Variants in NR6A1 observed in about 807,000 individuals in gnomAD.
NR6A1 encodes nuclear receptor subfamily 6 group A member 1.
A neutral mutation model predicts 59.1 loss-of-function variants in NR6A1; 7 were observed. The observed-to-expected ratio is 0.12, with a 90% CI of 0.07 to 0.22. The LOEUF (loss-of-function observed/expected upper bound fraction) is 0.22. NR6A1 is among the 10% of genes least tolerant of loss of function. NR6A1 has a pLI of 1.00. For synonymous variants in NR6A1, 243 were observed against 236.1 expected (o/e 1.03, Z -0.27); for missense variants, 468 against 611.6 (o/e 0.77, Z 2.48).
In NR6A1 at chr9:124,666,358, A is replaced by G. The variant is rs1282757664; in HGVS notation, c.142+66950T>C. On this transcript the variant is annotated intron_variant, in intron 2 of 9. Transcript: ENST00000487099. ...TAGTAGTGCAATCTTGGCTCACTGT[A>G]ACCTCCACCTCCCAGAGACAAGCAA... Among the ~76,000 whole-genome samples the G allele has an allele frequency of 2.1e-5, 3 of 143,678 alleles. No homozygotes were observed. In the East Asian group the frequency reaches 6.2e-4, roughly 30 times the overall value. The allele number at this position is 143,678 out of a possible 152,430, so 94.3% of individuals were successfully genotyped here. A position where few individuals can be genotyped will look rare whatever the true frequency, so the allele number is the denominator to read the frequency against.
At chr9:124,603,493 G>C (rs905700143) in intron 2 of NR6A1, among the ~76,000 whole-genome samples, 17 of 152,098 alleles carry the variant, frequency 1.1e-4, no homozygotes, top group African/African-American at 4.1e-4. Context: ...GCCTACCTGA[G>C]ACTAAATCTT....
intron 1 of NR6A1, among the ~76,000 whole-genome samples, chr9:124,748,899 G>T (rs1007692607): frequency 2.6e-5 from 4 of 151,246 alleles, no homozygotes; most frequent in East Asian, 2.0e-4. Flanking sequence ...CAGGGCTGTT[G>T]TAAGTATTAA....
chr9:124,739,750 G>A, intron 1 of NR6A1, among the ~76,000 whole-genome samples: 1 of 152,198 alleles, frequency 6.6e-6, no homozygotes, highest in East Asian at 1.9e-4. Flanking sequence ...AATTTACCAT[G>A]ACAGAAACTT....
At chr9:124,627,882 CTTTTTTTTTTTTT>C (rs59874800) in intron 2 of NR6A1, among the ~76,000 whole-genome samples, 50 of 83,778 alleles carry the variant, frequency 6.0e-4, no homozygotes, top group African/African-American at 1.5e-3. Context: ...CTGAGATTTT[CTTTTTTTTTTTTT>C]TTTTTTTTTT....
intron 2 of NR6A1, among the ~76,000 whole-genome samples, chr9:124,592,085 T>C (rs972074492): frequency 4.6e-5 from 7 of 152,202 alleles, no homozygotes; most frequent in African/African-American, 1.2e-4. Context: ...GGTTGCCATA[T>C]TTGTGCCTCT....
At chr9:124,747,446 T>C (rs1840367348) in intron 1 of NR6A1, among the ~76,000 whole-genome samples, 1 of 152,116 alleles carries the variant, frequency 6.6e-6, no homozygotes, top group Non-Finnish European at 1.5e-5. Flanking sequence ...TTGGATGGTC[T>C]CATCCACATA....
chr9:124,571,870 T>C, intron 2 of NR6A1, among the ~76,000 whole-genome samples: 1 of 152,090 alleles, frequency 6.6e-6, no homozygotes, highest in East Asian at 1.9e-4. Flanking sequence ...TTCCAATAAC[T>C]TCCATTCAGG....
chr9:124,749,553 C>T (rs1174944938), intron 1 of NR6A1, among the ~76,000 whole-genome samples: 2 of 151,892 alleles, frequency 1.3e-5, no homozygotes, highest in Non-Finnish European at 2.9e-5. Flanking sequence ...AAAATAAATA[C>T]GGTATTTTTT....
rs141108912 is a variant in NR6A1, at chr9:124,650,317, G to A, written c.142+82991C>T. On this transcript the variant is annotated intron_variant, in intron 2 of 9. Transcript: ENST00000487099. ...AGCAACATGGATGGAACTGTTAAGT[G>A]AATAAGCTGGGCACCGAAAGACAAA... 2.0e-5 allele frequency among the ~76,000 whole-genome samples: 3 copies of A among 152,210 alleles called. No homozygotes were observed. The East Asian group carries it at 5.8e-4, about 29-fold the overall frequency.
At chr9:124,733,918 C>A (rs1287372869) in intron 1 of NR6A1, among the ~76,000 whole-genome samples, 1 of 152,176 alleles carries the variant, frequency 6.6e-6, no homozygotes, top group Non-Finnish European at 1.5e-5. Context: ...TCTCAGAGCA[C>A]ACTTCACATT....
intron 1 of NR6A1, among the ~76,000 whole-genome samples, chr9:124,756,439 C>CGT (rs1311269035): frequency 6.6e-6 from 1 of 152,204 alleles, no homozygotes; most frequent in East Asian, 1.9e-4. Context: ...TCAACATAAA[C>CGT]TTTAACAATG....
In NR6A1 at chr9:124,643,774, AAG is replaced by A. The variant is rs1000000745; in HGVS notation, c.143-89206_143-89205del. Among the ~76,000 whole-genome samples the A allele has an allele frequency of 3.6e-3, 537 of 147,484 alleles. 62 individuals are homozygous for A. Among genetic ancestry groups the A allele is most frequent in the Middle Eastern group, 0.017 (5 of 286 alleles). Reference sequence around the variant, plus strand: ...TCTCAAAAAAACAAAAAAAAAAAAAAAGAGAGAGAGAGAGAAAGGGTACTCTT... The same window carrying A: ...TCTCAAAAAAACAAAAAAAAAAAAAAAGAGAGAGAGAGAAAGGGTACTCTT... On this transcript the variant is annotated intron_variant, in intron 2 of 9. Coordinates refer to ENST00000487099, the MANE Select transcript of NR6A1 (RefSeq NM_033334.4).
intron 2 of NR6A1, among the ~76,000 whole-genome samples, chr9:124,701,512 C>A (rs922481630): frequency 1.3e-5 from 2 of 152,322 alleles, no homozygotes; most frequent in Non-Finnish European, 2.9e-5. Context: ...TTTTCATAAT[C>A]CTAAACAAGA....
chr9:124,641,924 C>T (rs558212385), intron 2 of NR6A1, among the ~76,000 whole-genome samples: 4 of 152,344 alleles, frequency 2.6e-5, no homozygotes, highest in African/African-American at 9.6e-5. Context: ...TGTAATAGTA[C>T]AGGTAAAACA....
At chr9:124,724,621 A>G (rs1839658894) in intron 2 of NR6A1, among the ~76,000 whole-genome samples, 1 of 152,220 alleles carries the variant, frequency 6.6e-6, no homozygotes, top group African/African-American at 2.4e-5. Context: ...CTCTCAGTGT[A>G]ATTACTTGTA....
At chr9:124,736,882 C>T (rs188583526) in intron 1 of NR6A1, among the ~76,000 whole-genome samples, 84 of 152,206 alleles carry the variant, frequency 5.5e-4, no homozygotes, top group Admixed American at 8.5e-4. Context: ...AATATAAAGG[C>T]TTTGCACAGT....
At chr9:124,576,670 A>T (rs1430484658) in intron 2 of NR6A1, among the ~76,000 whole-genome samples, 1 of 152,236 alleles carries the variant, frequency 6.6e-6, no homozygotes, top group Non-Finnish European at 1.5e-5. Context: ...CCTAATCTAT[A>T]AACCTATCTA....
At chr9:124,547,664 C>A (rs978611023) in intron 3 of NR6A1, among the ~76,000 whole-genome samples, 4 of 152,170 alleles carry the variant, frequency 2.6e-5, no homozygotes, top group Non-Finnish European at 4.4e-5. Flanking sequence ...GACACAACAT[C>A]ATTTCTATGG....
At chr9:124,765,764 T>G (rs1564273451) in intron 1 of NR6A1, among the ~76,000 whole-genome samples, 1 of 152,194 alleles carries the variant, frequency 6.6e-6, no homozygotes, top group East Asian at 1.9e-4. Flanking sequence ...AACTCTGGGT[T>G]TTTTTGAGAA....
Sources: gnomAD v4.1 joint callset for allele counts (sites outside exome capture counted in the v4.1 genomes callset) on GRCh38, gnomAD v4.1.1 for gene constraint, MANE v1.5 for transcripts, NCBI Gene and HGNC (gene_info 2026-07-23, HGNC 2026-07-21) for gene names.